Variants in HIVEP3 observed in about 807,000 individuals in gnomAD.
HIVEP3 encodes the protein HIVEP zinc finger 3.
A neutral mutation model predicts 152.8 loss-of-function variants in HIVEP3; 49 were observed. That is an observed-to-expected ratio of 0.32 (90% confidence interval 0.26 to 0.41). HIVEP3 has a LOEUF of 0.41. Ranked by LOEUF, HIVEP3 falls within the 10% of genes least tolerant of loss-of-function variation. The pLI is 1.00. For missense variants in HIVEP3, 2,790 were observed against 3,103.3 expected (o/e 0.90, Z 2.40); for synonymous variants, 1,269 against 1,289.0 (o/e 0.98, Z 0.33).
chr1:41,654,537 A>T (rs1645601843), intron 2 of HIVEP3, among the ~76,000 whole-genome samples: 1 of 152,240 alleles, frequency 6.6e-6, no homozygotes, highest in African/African-American at 2.4e-5. Context: ...GACCCCATAT[A>T]GCTTCTACTC....
chr1:41,963,447 T>C (rs1645180225), intron 1 of HIVEP3, among the ~76,000 whole-genome samples: 1 of 150,996 alleles, frequency 6.6e-6, no homozygotes, highest in African/African-American at 2.4e-5. Context: ...TCATCATTTT[T>C]CATAGGTGGG....
intron 1 of HIVEP3, among the ~76,000 whole-genome samples, chr1:41,720,219 C>G (rs1260048653): frequency 1.3e-5 from 2 of 152,230 alleles, no homozygotes; most frequent in Non-Finnish European, 2.9e-5. Flanking sequence ...ACCTGATGAG[C>G]TCAGGACACC....
At chr1:41,541,602 T>G (rs1643533876) in intron 5 of HIVEP3, among the ~76,000 whole-genome samples, 1 of 152,154 alleles carries the variant, frequency 6.6e-6, no homozygotes, top group East Asian at 1.9e-4. Flanking sequence ...CCCCAGCTTC[T>G]CAGAAGCTTC....
intron 1 of HIVEP3, among the ~76,000 whole-genome samples, chr1:41,802,829 C>T (rs1650385590): frequency 6.6e-6 from 1 of 152,212 alleles, no homozygotes; most frequent in Non-Finnish European, 1.5e-5. Context: ...CAGTCCCATC[C>T]CCCTGCTCTT....
At chr1:41,693,556 G>A (rs1451639151) in intron 2 of HIVEP3, among the ~76,000 whole-genome samples, 2 of 152,146 alleles carry the variant, frequency 1.3e-5, no homozygotes, top group African/African-American at 4.8e-5. Flanking sequence ...TATTAGTGCT[G>A]CTAACCTTTT....
chr1:41,707,661 G>A (rs1210645870), intron 1 of HIVEP3, among the ~76,000 whole-genome samples: 1 of 151,866 alleles, frequency 6.6e-6, no homozygotes, highest in Non-Finnish European at 1.5e-5. Context: ...CACTAAGAGG[G>A]GGATCTTGGG....
chr1:41,929,596 A>C (rs1037213896), intron 1 of HIVEP3, among the ~76,000 whole-genome samples: 1 of 151,910 alleles, frequency 6.6e-6, no homozygotes, highest in Non-Finnish European at 1.5e-5. Context: ...CAGTGCTTTT[A>C]GTGCTACAGT....
chr1:41,953,237 T>C (rs1421512823), intron 1 of HIVEP3, among the ~76,000 whole-genome samples: 2 of 152,184 alleles, frequency 1.3e-5, no homozygotes, highest in African/African-American at 4.8e-5. Flanking sequence ...TGTCACTGTG[T>C]GCTGTGATTA....
chr1:41,589,182 A>G (rs1644549458), intron 3 of HIVEP3, among the ~76,000 whole-genome samples: 1 of 152,194 alleles, frequency 6.6e-6, no homozygotes, highest in African/African-American at 2.4e-5. Flanking sequence ...CACCAGAGAA[A>G]TGGGCCCAGG....
At chr1:41,525,015 C>A in intron 5 of HIVEP3, 105 bp from the exon 6 acceptor site, 1 of 1,101,662 alleles carries the variant, frequency 9.1e-7, no homozygotes, top group Non-Finnish European at 1.3e-6. Flanking sequence ...CCGTTACAGA[C>A]GCAAGGAATG....
At chr1:41,671,681 T>C (rs963317384) in intron 2 of HIVEP3, among the ~76,000 whole-genome samples, 3 of 152,204 alleles carry the variant, frequency 2.0e-5, no homozygotes, top group Admixed American at 1.3e-4. Context: ...GTGGCTTTTA[T>C]CCATCCCCAC....
chr1:41,784,206 T>C (rs529344795), intron 1 of HIVEP3, among the ~76,000 whole-genome samples: 5 of 152,302 alleles, frequency 3.3e-5, no homozygotes, highest in African/African-American at 9.6e-5. Flanking sequence ...CACTAGCCAC[T>C]TGTGGCTATT....
intron 2 of HIVEP3, among the ~76,000 whole-genome samples, chr1:41,692,484 G>A (rs546856586): frequency 1.8e-3 from 268 of 152,176 alleles, no homozygotes; most frequent in African/African-American, 6.3e-3. Context: ...TGTTAAATAA[G>A]GTATCTTAAA....
chr1:41,592,177 T>C (rs1644597930), intron 3 of HIVEP3, among the ~76,000 whole-genome samples: 1 of 152,170 alleles, frequency 6.6e-6, no homozygotes, highest in Admixed American at 6.5e-5. Context: ...TGTGGGTTTC[T>C]TCCAGCAAGG....
chr1:41,923,261 A>C (rs1644950490), upstream of HIVEP3, among the ~76,000 whole-genome samples: 1 of 152,246 alleles, frequency 6.6e-6, no homozygotes, highest in Non-Finnish European at 1.5e-5. Flanking sequence ...ATTTGAAAAA[A>C]TATAAGTTTT....
Position 41,584,504 on chromosome 1 carries a change from G to T in HIVEP3, c.294C>A (p.His98Gln), listed in dbSNP as rs1644473400. ...ASVHISQLPQHPLTPAFMSPG... is the reference protein window; with the variant it reads ...ASVHISQLPQQPLTPAFMSPG... ...GCGACATGAATGCTGGTGTCAGAGG[G>T]TGCTGCGGAAGCTGTGAGATGTGGA... Residue 98 changes from histidine (H) to glutamine (Q), a missense_variant, in exon 4 of 9, where the codon CAC (histidine) becomes CAA (glutamine). Physicochemically the swap from His to Gln is conservative, Grantham distance 24 (BLOSUM62 0). Coordinates refer to ENST00000372583, the MANE Select transcript of HIVEP3 (RefSeq NM_024503.5). This position sits in a 1 kb window ranked among gnomAD's most constrained non-coding sequence, Gnocchi z 5.2. 1.2e-6 allele frequency: 2 copies of T among 1,614,170 alleles called. No homozygotes were observed. The highest frequency in any genetic ancestry group is 1.7e-6 in the Non-Finnish European group (2 of 1,180,038).
intron 1 of HIVEP3, among the ~76,000 whole-genome samples, chr1:41,730,933 C>T (rs1054954516): frequency 3.9e-5 from 6 of 152,196 alleles, no homozygotes; most frequent in South Asian, 2.1e-4. Flanking sequence ...GGAGCAAGGA[C>T]GCAACTCCCA....
intron 1 of HIVEP3, among the ~76,000 whole-genome samples, chr1:41,915,946 T>C (rs1366804200): frequency 6.6e-6 from 1 of 152,188 alleles, no homozygotes; most frequent in Non-Finnish European, 1.5e-5. Context: ...GAGAACAGCA[T>C]GTCAGGGACT....
In HIVEP3 at chr1:41,533,571, AG is replaced by A. The variant is rs1199629969; in HGVS notation, c.5208-8662del. ...CTCTGATGACCAACTGTTCTTGCCA[AG>A]GTCACAGCTTGCTCCATTGAAAGTC... On this transcript the variant is annotated intron_variant, in intron 5 of 8. Transcript: ENST00000372583. The surrounding 1 kb of genome is among the most constrained non-coding windows in gnomAD (Gnocchi z 4.3). 6.6e-6 allele frequency among the ~76,000 whole-genome samples: 1 copy of A among 152,042 alleles called. No individual in the cohort carries two copies. The highest frequency in any genetic ancestry group is 2.4e-5 in the African/African-American group (1 of 41,378).
Sources: gnomAD v4.1 joint callset for allele counts (sites outside exome capture counted in the v4.1 genomes callset) on GRCh38, gnomAD v4.1.1 for gene constraint, Gnocchi (gnomAD v3.1) non-coding constraint, MANE v1.5 for transcripts, NCBI Gene and HGNC (gene_info 2026-07-23, HGNC 2026-07-21) for gene names.